The following PUDP variants were observed in gnomAD, a reference collection of about 807,000 sequenced individuals.
The protein encoded by PUDP is pseudouridine-5'-phosphatase.
PUDP carries 8 observed loss-of-function variants against 9.4 expected under a neutral mutation model. The ratio of observed to expected loss-of-function variants is 0.85; its 90% CI spans 0.50 to 1.53. The LOEUF (loss-of-function observed/expected upper bound fraction) is 1.53, where lower values mean the gene tolerates loss of function less well. Among genes scored for constraint, PUDP ranks in the 40% most tolerant of loss-of-function variants. The pLI is 0.00. For missense variants in PUDP, 188 were observed against 189.7 expected (o/e 0.99, Z 0.05); for synonymous variants, 99 against 80.7 (o/e 1.23, Z -1.22).
intron 1 of PUDP, among the ~76,000 whole-genome samples, chrX:6,986,503 C>T (rs1168367122): frequency 9.0e-6 from 1 of 111,568 alleles, no homozygotes; most frequent in African/African-American, 3.3e-5. Flanking sequence ...ATGACAATCG[C>T]CCCCTCCGGC....
chrX:6,764,315 T>C (rs1025184296), intron 3 of PUDP, among the ~76,000 whole-genome samples: 3 of 111,802 alleles, frequency 2.7e-5, no homozygotes, highest in Admixed American at 9.5e-5. Flanking sequence ...AGGCAGCTGT[T>C]GAAATGGAAT....
intron 3 of PUDP, among the ~76,000 whole-genome samples, chrX:6,726,715 A>T (rs769840244): frequency 4.5e-5 from 5 of 111,964 alleles, no homozygotes; most frequent in Admixed American, 1.9e-4. Flanking sequence ...AGATTTTTTT[A>T]ATGTGTAAGG....
intron 3 of PUDP, among the ~76,000 whole-genome samples, chrX:6,734,163 C>T (rs1389148710): frequency 9.0e-6 from 1 of 111,210 alleles, no homozygotes; most frequent in African/African-American, 3.3e-5. Flanking sequence ...ACAAAAAAAT[C>T]TCATTTCAAG....
At chrX:6,720,801 T>C (rs1052488671) in intron 1 of PUDP, among the ~76,000 whole-genome samples, 1 of 111,179 alleles carries the variant, frequency 9.0e-6, no homozygotes, top group Admixed American at 9.7e-5. Context: ...CATTTTTACT[T>C]GCCGATTATA....
intron 2 of PUDP, among the ~76,000 whole-genome samples, chrX:7,100,042 G>A (rs865923761): frequency 4.7e-3 from 22 of 4,675 alleles, no homozygotes; most frequent in Non-Finnish European, 6.2e-3. Flanking sequence ...CCCCCTCCCC[G>A]GCCCCCTACC....
At chrX:6,798,166 G>T (rs1160008030) in intron 3 of PUDP, among the ~76,000 whole-genome samples, 2 of 112,077 alleles carry the variant, frequency 1.8e-5, no homozygotes, top group Non-Finnish European at 3.8e-5. Flanking sequence ...CATGGCTGGG[G>T]AGGCCTCACT....
intron 3 of PUDP, among the ~76,000 whole-genome samples, chrX:7,063,545 G>GGTA (rs1347280214): frequency 1.8e-5 from 2 of 111,959 alleles, no homozygotes; most frequent in Non-Finnish European, 3.8e-5. Context: ...GAGTGTAGGA[G>GGTA]GTACCGTGCT....
chrX:7,037,211 G>A lies in PUDP; in HGVS notation c.204+40009C>T, dbSNP rs148979668. ...TCTGTTATCTCTGGGATTTTTCTCAGCTGGACTTGGCCTGTGGGTTATCTG... is the reference window on the plus strand; with the variant it reads ...TCTGTTATCTCTGGGATTTTTCTCAACTGGACTTGGCCTGTGGGTTATCTG... On this transcript the variant is annotated intron_variant and NMD_transcript_variant, in intron 1 of 3. Coordinates refer to the PUDP transcript ENST00000655425. 7.4e-4 allele frequency among the ~76,000 whole-genome samples: 83 copies of A among 111,795 alleles called. No individual in the cohort carries two copies. The East Asian group carries it at 0.02, about 27-fold the overall frequency.
At chrX:6,787,131 C>G (rs971624105) in intron 3 of PUDP, among the ~76,000 whole-genome samples, 3 of 110,822 alleles carry the variant, frequency 2.7e-5, no homozygotes, top group African/African-American at 6.6e-5. Flanking sequence ...GTGATTTCAT[C>G]TCAGTAGACA....
intron 3 of PUDP, among the ~76,000 whole-genome samples, chrX:6,931,738 A>G (rs920270415): frequency 1.2e-4 from 13 of 111,385 alleles, no homozygotes; most frequent in Admixed American, 1.9e-4. Context: ...TGTGGACAGG[A>G]CCCAGACGAC....
chrX:6,731,021 C>T (rs1484958148), intron 3 of PUDP, among the ~76,000 whole-genome samples: 1 of 110,993 alleles, frequency 9.0e-6, no homozygotes, highest in Non-Finnish European at 1.9e-5. Flanking sequence ...AACTGTAGAA[C>T]ATCTATAGTC....
intron 2 of PUDP, among the ~76,000 whole-genome samples, chrX:7,104,394 T>C (rs1310079340): frequency 9.0e-6 from 1 of 111,430 alleles, no homozygotes; most frequent in Non-Finnish European, 1.9e-5. Flanking sequence ...CTGCCAGGGG[T>C]TGAGGGCAGG....
chrX:6,705,907 C>T (rs1428866108), intron 2 of PUDP, among the ~76,000 whole-genome samples: 1 of 112,122 alleles, frequency 8.9e-6, no homozygotes, highest in Non-Finnish European at 1.9e-5. Flanking sequence ...AACAAACAAA[C>T]AAATTCAGAT....
At chrX:6,816,926 A>G (rs1926253134) in intron 3 of PUDP, among the ~76,000 whole-genome samples, 1 of 94,961 alleles carries the variant, frequency 1.1e-5, no homozygotes, top group African/African-American at 3.9e-5. Flanking sequence ...TATATATAAT[A>G]TATATACACA....
chrX:6,896,181 A>AT (rs952710515), intron 3 of PUDP, among the ~76,000 whole-genome samples: 7 of 110,978 alleles, frequency 6.3e-5, no homozygotes, highest in East Asian at 2.8e-4. Context: ...CTGAAACTTG[A>AT]TTTTTTTTCT....
chrX:6,947,812 AAAT>A (rs1928492203), intron 3 of PUDP, among the ~76,000 whole-genome samples: 2 of 110,070 alleles, frequency 1.8e-5, no homozygotes, highest in Non-Finnish European at 3.8e-5. Flanking sequence ...ATAAATAAAT[AAAT>A]AAAAATAAAG....
At chrX:6,872,696 TAAA>T (rs199625491) in intron 3 of PUDP, among the ~76,000 whole-genome samples, 7,108 of 63,684 alleles carry the variant, frequency 0.11, 458 homozygotes, top group East Asian at 0.46. Context: ...AAGATTCCAT[TAAA>T]AAAAAAAAAA....
chrX:6,729,280 G>A (rs962165377), intron 3 of PUDP, among the ~76,000 whole-genome samples: 47 of 111,737 alleles, frequency 4.2e-4, no homozygotes, highest in African/African-American at 1.5e-3. Context: ...AAACCCAACA[G>A]AATGCAGCCA....
chrX:7,014,202 C>T, intron 1 of PUDP, among the ~76,000 whole-genome samples: 1 of 110,319 alleles, frequency 9.1e-6, no homozygotes, highest in Non-Finnish European at 1.9e-5. Context: ...TCCTCATCTG[C>T]TTCTGGAGCC....
Sources: gnomAD v4.1 joint callset for allele counts (sites outside exome capture counted in the v4.1 genomes callset) on GRCh38, gnomAD v4.1.1 for gene constraint, MANE v1.5 for transcripts, NCBI Gene and HGNC (gene_info 2026-07-23, HGNC 2026-07-21) for gene names.